The following CLASP1 variants were observed in gnomAD, a reference collection of about 807,000 sequenced individuals.
The protein encoded by CLASP1 is CLIP-associating protein 1.
CLASP1 carries 38 observed loss-of-function variants against 192.3 expected under a neutral mutation model. The observed-to-expected ratio is 0.20, with a 90% CI of 0.15 to 0.26. The LOEUF is 0.26. CLASP1 is among the 10% of genes least tolerant of loss of function. The pLI is 1.00. For missense variants in CLASP1, 1,433 were observed against 1,932.5 expected, an observed-to-expected ratio of 0.74 and a Z score of 4.85; for synonymous variants, 691 against 712.8, an observed-to-expected ratio of 0.97 and a Z score of 0.49.
intron 23 of CLASP1, among the ~76,000 whole-genome samples, chr2:121,417,292 G>A (rs1240765938): frequency 6.6e-6 from 1 of 152,030 alleles, no homozygotes; most frequent in Non-Finnish European, 1.5e-5. Context: ...AAAAATAACA[G>A]TACATATTTG....
At chr2:121,539,873 T>C (rs1191684540) in intron 2 of CLASP1, among the ~76,000 whole-genome samples, 20 of 152,204 alleles carry the variant, frequency 1.3e-4, no homozygotes, top group Admixed American at 1.3e-3. Flanking sequence ...GTTCAATTTC[T>C]ACTAGTCATC....
chr2:121,530,931 G>A lies in CLASP1; in HGVS notation c.196-606C>T, dbSNP rs557186710. On this transcript the variant is annotated intron_variant, in intron 2 of 39. Transcript: ENST00000263710. Reference sequence around the variant, plus strand: ...ACTGTCCAATGAGCGCATAGTGAGGGCAGTACTGCTAACGCCTGAACAACA... The same window carrying A: ...ACTGTCCAATGAGCGCATAGTGAGGACAGTACTGCTAACGCCTGAACAACA... 3.9e-4 allele frequency: 271 copies of A among 700,376 alleles called. No homozygotes were observed. The highest frequency in any genetic ancestry group is 1.6e-3 in the African/African-American group (93 of 57,304). 43.4% of individuals were successfully genotyped at this position (700,376 alleles called of 1,614,324 possible).
At position 121,581,260 on chromosome 2, in the gene CLASP1, C is replaced by CTTTTTTTTTTTTTTTTTTTTTTTTTTT. The variant is rs60345742; in HGVS notation, c.195+24440_195+24441insAAAAAAAAAAAAAAAAAAAAAAAAAAA. On this transcript the variant is annotated intron_variant, in intron 2 of 39. Coordinates refer to ENST00000263710, the Ensembl canonical transcript of CLASP1. ...TCTGCCTCCCAAAAGGCCTTTTGTT[C>CTTTTTTTTTTTTTTTTTTTTTTTTTTT]TTTTTTTTTTTTTTTTTTTTTTTTT... 3.5e-5 allele frequency among the ~76,000 whole-genome samples: 2 copies of CTTTTTTTTTTTTTTTTTTTTTTTTTTT among 57,680 alleles called. 1 individual carries two copies. The highest frequency in any genetic ancestry group is 1.4e-4 in the African/African-American group (2 of 13,800). The allele number at this position is 57,680 out of a possible 152,430, so 37.8% of individuals were successfully genotyped here.
At chr2:121,596,548 C>T (rs1274658854) in intron 2 of CLASP1, among the ~76,000 whole-genome samples, 2 of 152,216 alleles carry the variant, frequency 1.3e-5, no homozygotes, top group Non-Finnish European at 2.9e-5. Context: ...AACACAGTCT[C>T]CTCCTGCCCA....
intron 8 of CLASP1, among the ~76,000 whole-genome samples, chr2:121,487,728 C>T (rs1238958350): frequency 1.3e-5 from 2 of 152,202 alleles, no homozygotes; most frequent in Non-Finnish European, 2.9e-5. Context: ...GAACACCCAC[C>T]ACACTGACCG....
At chr2:121,438,601 T>C (rs1307043258) in intron 19 of CLASP1, among the ~76,000 whole-genome samples, 1 of 152,172 alleles carries the variant, frequency 6.6e-6, no homozygotes, top group East Asian at 1.9e-4. Flanking sequence ...GTGGTTTTTG[T>C]CTTTGGCTCT....
intron 9 of CLASP1, among the ~76,000 whole-genome samples, chr2:121,466,370 A>G (rs1274023578): frequency 6.6e-6 from 1 of 152,230 alleles, no homozygotes. Context: ...GAGTGGTCCC[A>G]TGCTGGTCTG....
At chr2:121,611,522 AGTT>A (rs2065486039) in intron 1 of CLASP1, among the ~76,000 whole-genome samples, 3 of 116,226 alleles carry the variant, frequency 2.6e-5, no homozygotes, top group African/African-American at 3.9e-5. Flanking sequence ...GAGGAGGAGG[AGTT>A]GGAGGAGTTA....
At chr2:121,355,770 T>C (rs1558847569) in intron 37 of CLASP1, among the ~76,000 whole-genome samples, 1 of 152,190 alleles carries the variant, frequency 6.6e-6, no homozygotes, top group Non-Finnish European at 1.5e-5. Context: ...CACCACTTAG[T>C]ACACAAGGTG....
intron 32 of CLASP1, among the ~76,000 whole-genome samples, chr2:121,386,174 T>C (rs759570695): frequency 1.1e-4 from 17 of 152,220 alleles, no homozygotes; most frequent in Non-Finnish European, 2.4e-4. Context: ...AAAAACTAAA[T>C]GTAAAAGCAA....
intron 2 of CLASP1, among the ~76,000 whole-genome samples, chr2:121,534,241 C>T (rs971847527): frequency 4.6e-5 from 7 of 152,172 alleles, no homozygotes; most frequent in Admixed American, 3.9e-4. Context: ...CCAAAGCCCT[C>T]CAAAGTTGGT....
In CLASP1 at chr2:121,391,928, G is replaced by A. The variant is rs901930519; in HGVS notation, c.3124-4022C>T. On this transcript the variant is annotated intron_variant, in intron 30 of 39. Coordinates refer to ENST00000263710, the Ensembl canonical transcript of CLASP1. The stretch of plus-strand genomic sequence containing the variant: ...ACAACAACAAAAAAGACTTGAAAGA[G>A]ACTCGCAGTCACAGTTAAGCTGAGA... 3.3e-5 allele frequency among the ~76,000 whole-genome samples: 5 copies of A among 152,182 alleles called. No homozygotes were observed. In the East Asian group the frequency reaches 9.6e-4, roughly 29 times the overall value.
Position 121,382,327 on chromosome 2 carries a change from GCAGTGAT to G in CLASP1, c.3375-10_3375-4del. On this transcript the variant is annotated splice_region_variant and splice_polypyrimidine_tract_variant and intron_variant, in intron 32 of 39. Coordinates refer to ENST00000263710, the Ensembl canonical transcript of CLASP1. ...CGGCACTCCAACCCCATAACCGACT[GCAGTGAT>G]CAGAAGAGGAAAATCAGAGAGAGAA... The G allele has an allele frequency of 6.5e-7, 1 of 1,541,322 alleles. No homozygotes were observed. The highest frequency in any genetic ancestry group is 8.7e-7 in the Non-Finnish European group (1 of 1,142,914).
intron 7 of CLASP1, among the ~76,000 whole-genome samples, chr2:121,506,490 GA>G (rs60219034): frequency 1.0e-4 from 15 of 146,722 alleles, no homozygotes; most frequent in East Asian, 2.0e-4. Context: ...CCAAAAATAG[GA>G]AAAAAAAAAG....
chr2:121,613,865 G>C (rs1439670687), intron 1 of CLASP1, among the ~76,000 whole-genome samples: 2 of 152,142 alleles, frequency 1.3e-5, no homozygotes, highest in East Asian at 3.8e-4. Context: ...ATAAGTCTAC[G>C]AGGTGGCTGG....
intron 8 of CLASP1, chr2:121,470,293 CTTTTTTTT>C (rs70954550): frequency 1.1e-3 from 345 of 308,882 alleles, no homozygotes; most frequent in African/African-American, 2.4e-3. Flanking sequence ...ACCATCCATG[CTTTTTTTT>C]TTTTTTTTTT....
At chr2:121,472,098 C>CTG (rs1490067574) in intron 8 of CLASP1, among the ~76,000 whole-genome samples, 1 of 152,150 alleles carries the variant, frequency 6.6e-6, no homozygotes, top group East Asian at 1.9e-4. Context: ...CAGTTCCAGT[C>CTG]TGTGGGACAG....
rs371396586 is a variant in CLASP1, at chr2:121,449,041, C to T, written c.1603G>A (p.Ala535Thr). ...GAGTTCTTCAGGTGGGACTGCAGGG[C>T]TTTCTGGTAGGAGGACTCCAAGGTG... Residue 535 changes from alanine (A) to threonine (T), a missense_variant, in exon 17 of 40, where the codon GCC becomes ACC. By Grantham distance (58) the Ala-to-Thr change is moderately conservative. Transcript: ENST00000263710. 6 of 1,613,818 alleles carry T rather than the reference C, an allele frequency of 3.7e-6. No homozygotes were observed. In the African/African-American group the frequency reaches 4.0e-5, roughly 11 times the overall value.
At chr2:121,439,238 T>C (rs568669059) in intron 19 of CLASP1, among the ~76,000 whole-genome samples, 1 of 152,388 alleles carries the variant, frequency 6.6e-6, no homozygotes, top group South Asian at 2.1e-4. Context: ...TTAGTCTTGT[T>C]AGCAGTCTAT....
Sources: gnomAD v4.1 joint callset for allele counts (sites outside exome capture counted in the v4.1 genomes callset) on GRCh38, gnomAD v4.1.1 for gene constraint, MANE v1.5 for transcripts, NCBI Gene and HGNC (gene_info 2026-07-23, HGNC 2026-07-21) for gene names.